The following SPDL1 variants were observed in gnomAD, a reference collection of about 807,000 sequenced individuals.
SPDL1 encodes protein Spindly.
SPDL1 carries 85 observed loss-of-function variants against 79.5 expected under a neutral mutation model. The observed-to-expected ratio is 1.07, with a 90% confidence interval of 0.90 to 1.28. SPDL1 has a LOEUF of 1.28. SPDL1 is among the 50% of genes most tolerant of loss of function. SPDL1 has a pLI of 0.00. For synonymous variants in SPDL1, 269 were observed against 240.3 expected (o/e 1.12, Z -1.10); for missense variants, 703 against 697.8 (o/e 1.01, Z -0.08).
In SPDL1 at chr5:169,588,549, C is replaced by A; in HGVS notation, c.133C>A (p.Arg45Ser). ...NELQNQLDKCRNEMMTMTESY... is the reference protein window; with the variant it reads ...NELQNQLDKCSNEMMTMTESY... ...ATTACAGAATCAATTGGATAAATGTCGTAATGAAATGATGACCATGACTGA... is the reference window on the plus strand; with the variant it reads ...ATTACAGAATCAATTGGATAAATGTAGTAATGAAATGATGACCATGACTGA... The change falls in exon 2 of 12, where the codon CGT (arginine) becomes AGT (serine). Residue 45 changes from arginine to serine, a missense_variant. By Grantham distance (110) the Arg-to-Ser change is moderately radical. Coordinates refer to ENST00000265295, the MANE Select transcript of SPDL1 (RefSeq NM_017785.5). The A allele has an allele frequency of 6.2e-7, 1 of 1,612,664 alleles. No individual in the cohort carries two copies. Among genetic ancestry groups the A allele is most frequent in the South Asian group, 1.1e-5 (1 of 90,754 alleles).
intron 10 of SPDL1, 130 bp downstream of exon 10, chr5:169,599,289 A>G: frequency 1.3e-6 from 1 of 749,850 alleles, no homozygotes; most frequent in Non-Finnish European, 1.9e-6. Context: ...TATAGTTAAT[A>G]AAGCAAATTT....
At chr5:169,603,632 G>T (rs1756042724) in intron 11 of SPDL1, among the ~76,000 whole-genome samples, 1 of 152,104 alleles carries the variant, frequency 6.6e-6, no homozygotes, top group African/African-American at 2.4e-5. Flanking sequence ...GAGGCAGGTG[G>T]ATCACGAGGT....
At chr5:169,598,429 C>A in intron 8 of SPDL1, 47 bp from the exon 9 acceptor site, 1 of 1,208,922 alleles carries the variant, frequency 8.3e-7, no homozygotes. Flanking sequence ...ATACACTAAC[C>A]TTATTTGTTA....
rs553446635 is a variant in SPDL1, at chr5:169,601,341, C to T, written c.1386C>T (p.Thr462=). Residue 462 remains threonine (T), a synonymous_variant, in exon 11 of 12, where the codon ACC becomes ACT. Coordinates refer to ENST00000265295, the MANE Select transcript of SPDL1 (RefSeq NM_017785.5). Reference sequence around the variant, plus strand: ...AGGTGCTCCCTGTGGATATAACCACCGCTAAAGATGCATGTGTCAACAACA... The same window carrying T: ...AGGTGCTCCCTGTGGATATAACCACTGCTAAAGATGCATGTGTCAACAACA... The part of the protein sequence containing the change: ...RREVLPVDIT[T]AKDACVNNSA... The T allele has an allele frequency of 3.7e-6, 6 of 1,613,680 alleles. No homozygotes were observed. The highest frequency in any genetic ancestry group is 1.7e-5 in the Admixed American group (1 of 59,978).
chr5:169,599,259 C>A, intron 10 of SPDL1, 100 bp downstream of exon 10: 1 of 1,021,250 alleles, frequency 9.8e-7, no homozygotes, highest in Middle Eastern at 3.5e-4. Context: ...CTATTACAAA[C>A]TCATTTGTAG....
chr5:169,590,637 T>C (rs1458275337), intron 2 of SPDL1: 2 of 429,420 alleles, frequency 4.7e-6, no homozygotes, highest in African/African-American at 2.0e-5. Context: ...TTTCTTTTTT[T>C]TCAACTATTA....
Position 169,592,035 on chromosome 5 carries a change from C to G in SPDL1, c.336+811C>G, listed in dbSNP as rs114462974. On this transcript the variant is annotated intron_variant, in intron 3 of 11. Coordinates refer to ENST00000265295, the MANE Select transcript of SPDL1 (RefSeq NM_017785.5). ...CTTTTCCAGACACTGTCTACCAAAA[C>G]TTGCCTGACTTTTGTCCTCCTTTCT... is the stretch of plus-strand genomic sequence containing the variant. Among the ~76,000 whole-genome samples the G allele has an allele frequency of 6.2e-3, 942 of 152,246 alleles. 5 individuals carry two copies. Among genetic ancestry groups the G allele is most frequent in the Non-Finnish European group, 0.011 (732 of 68,006 alleles).
intron 1 of SPDL1, among the ~76,000 whole-genome samples, chr5:169,586,593 C>T (rs1450327347): frequency 6.6e-6 from 1 of 152,230 alleles, no homozygotes; most frequent in Non-Finnish European, 1.5e-5. Context: ...ACATTATTTA[C>T]ATCAGTGCTT....
intron 10 of SPDL1, among the ~76,000 whole-genome samples, chr5:169,600,330 G>T (rs1755816093): frequency 6.6e-6 from 1 of 152,082 alleles, no homozygotes; most frequent in Non-Finnish European, 1.5e-5. Context: ...GATTCTAATA[G>T]GCTCCCCTGA....
chr5:169,594,301 T>A lies in SPDL1; in HGVS notation c.681+7T>A. 1 of 1,613,416 alleles carries A rather than the reference T, an allele frequency of 6.2e-7. No individual in the cohort carries two copies. Among genetic ancestry groups the A allele is most frequent in the East Asian group, 2.2e-5 (1 of 44,872 alleles). ...TTACTATAATGCCCTAGAGGTACTATGATTACAGTAACATCATGTTTTCCA... is the reference window on the plus strand; with the variant it reads ...TTACTATAATGCCCTAGAGGTACTAAGATTACAGTAACATCATGTTTTCCA... On this transcript the variant is annotated splice_region_variant and intron_variant, in intron 5 of 11. Transcript: ENST00000265295.
intron 1 of SPDL1, among the ~76,000 whole-genome samples, chr5:169,586,608 T>C (rs1754997536): frequency 6.6e-6 from 1 of 152,262 alleles, no homozygotes; most frequent in South Asian, 2.1e-4. Context: ...GTGCTTCAGC[T>C]GATGGCAATT....
intron 11 of SPDL1, 153 bp downstream of exon 11, chr5:169,601,778 G>T: frequency 1.3e-6 from 1 of 771,122 alleles, no homozygotes. Flanking sequence ...AACTTTTCCA[G>T]AACTTTAAGA....
rs748889109 is a variant in SPDL1 at position 169,594,694 on chromosome 5, C to T, written c.891+13C>T. 6.3e-7 allele frequency: 1 copy of T among 1,582,852 alleles called. No individual in the cohort carries two copies. Among genetic ancestry groups the T allele is most frequent in the Non-Finnish European group, 8.7e-7 (1 of 1,153,994 alleles). ...GCAGAGAATGAAGGTATAGAACTTTCACTATCAAAGGTTTATTAAACAAAT... is the reference window on the plus strand; with the variant it reads ...GCAGAGAATGAAGGTATAGAACTTTTACTATCAAAGGTTTATTAAACAAAT... On this transcript the variant is annotated intron_variant, in intron 7 of 11. Transcript: ENST00000265295.
chr5:169,584,084 T>G (rs1158024100), intron 1 of SPDL1, 195 bp downstream of exon 1: 1 of 152,238 alleles, frequency 6.6e-6, no homozygotes, highest in Admixed American at 6.5e-5. Flanking sequence ...CTCGCCGCCC[T>G]CAGGGATTCT....
At chr5:169,590,583 A>G (rs1755221309) in intron 2 of SPDL1, among the ~76,000 whole-genome samples, 1 of 152,204 alleles carries the variant, frequency 6.6e-6, no homozygotes, top group African/African-American at 2.4e-5. Context: ...CTTTTGTGAC[A>G]TTTCTCAGAT....
At chr5:169,598,266 T>G (rs1755694086) in intron 8 of SPDL1, among the ~76,000 whole-genome samples, 1 of 152,218 alleles carries the variant, frequency 6.6e-6, no homozygotes, top group Non-Finnish European at 1.5e-5. Context: ...TTGGTTTACT[T>G]TCATCTGTAT....
Position 169,593,436 on chromosome 5 carries a change from T to A in SPDL1, c.419T>A (p.Leu140His), listed in dbSNP as rs1280801624. Residue 140 changes from leucine (L) to histidine (H), a missense_variant, in exon 4 of 12, where the codon CTC (leucine) becomes CAC (histidine). Physicochemically the swap from Leu to His is moderately conservative, Grantham distance 99. Coordinates refer to ENST00000265295, the MANE Select transcript of SPDL1 (RefSeq NM_017785.5). Reference protein sequence around the residue: ...LKHQVDHQKELLSCKSEELRV... With the variant: ...LKHQVDHQKEHLSCKSEELRV... ...CACCAAGTAGATCATCAGAAGGAAC[T>A]CCTCTCTTGTAAATCAGAGGAACTG... 6.2e-7 allele frequency: 1 copy of A among 1,613,992 alleles called. No homozygotes were observed. Among genetic ancestry groups the A allele is most frequent in the Non-Finnish European group, 8.5e-7 (1 of 1,179,946 alleles).
At chr5:169,589,632 A>G (rs1218796736) in intron 2 of SPDL1, among the ~76,000 whole-genome samples, 3 of 151,252 alleles carry the variant, frequency 2.0e-5, no homozygotes, top group African/African-American at 4.9e-5. Context: ...TTTCATTTAA[A>G]TGTCACTTCA....
intron 10 of SPDL1, 71 bp from the exon 11 acceptor site, chr5:169,601,209 C>G: frequency 7.2e-7 from 1 of 1,392,008 alleles, no homozygotes; most frequent in Non-Finnish European, 9.8e-7. Flanking sequence ...ATAACTAGTT[C>G]TGGCTTCTTG....
Sources: gnomAD v4.1 joint callset for allele counts (sites outside exome capture counted in the v4.1 genomes callset) on GRCh38, gnomAD v4.1.1 for gene constraint, MANE v1.5 for transcripts, NCBI Gene and HGNC (gene_info 2026-07-23, HGNC 2026-07-21) for gene names.